Variants in IGLON5 observed in about 807,000 individuals in gnomAD.
The protein encoded by IGLON5 is Ig-like domain-containing protein ENSP00000270642.
IGLON5 carries 16 observed loss-of-function variants against 38.2 expected under a neutral mutation model. The observed-to-expected ratio is 0.42, with a 90% CI of 0.28 to 0.64. The LOEUF (loss-of-function observed/expected upper bound fraction) is 0.64, where lower values mean the gene tolerates loss of function less well. IGLON5 is among the 30% of genes least tolerant of loss of function. The pLI is 0.23. For synonymous variants in IGLON5, 207 were observed against 216.4 expected, an observed-to-expected ratio of 0.96 and a Z score of 0.38; for missense variants, 366 against 483.4, an observed-to-expected ratio of 0.76 and a Z score of 2.28.
chr19:51,312,864 A>G (rs1181782991), intron 1 of IGLON5, among the ~76,000 whole-genome samples: 2 of 152,108 alleles, frequency 1.3e-5, no homozygotes, highest in East Asian at 3.9e-4. Flanking sequence ...GGGGGTGGTC[A>G]AGGAGATTCC....
chr19:51,323,953 G>T (rs1568459042), intron 3 of IGLON5, 59 bp downstream of exon 3: 2 of 1,186,638 alleles, frequency 1.7e-6, no homozygotes, highest in Non-Finnish European at 2.4e-6. Context: ...GGGAGACTAG[G>T]CATGATGACA....
At position 51,320,273 on chromosome 19, in the gene IGLON5, G is replaced by A. The variant is rs547516050; in HGVS notation, c.80-1791G>A. ...CTGCCAACCCACTGCACCTGGCTCC[G>A]TCCTGGCCCCATCCTGTGGGGCTGC... On this transcript the variant is annotated intron_variant, in intron 1 of 7. Transcript: ENST00000270642. Among the ~76,000 whole-genome samples the A allele has an allele frequency of 5.9e-5, 9 of 152,298 alleles. 1 individual carries two copies. The highest frequency in any genetic ancestry group is 6.5e-5 in the Admixed American group (1 of 15,312).
intron 1 of IGLON5, among the ~76,000 whole-genome samples, chr19:51,315,688 CT>C (rs756194855): frequency 7.1e-3 from 584 of 82,554 alleles, no homozygotes; most frequent in African/African-American, 0.018. Flanking sequence ...GGAAGTCAAC[CT>C]TTTTTTTTTT....
At chr19:51,328,013 A>G in intron 7 of IGLON5, 127 bp downstream of exon 7, 1 of 997,242 alleles carries the variant, frequency 1.0e-6, no homozygotes, top group South Asian at 1.7e-5. Context: ...GAGACTGAAA[A>G]GCAATGCGAG....
intron 1 of IGLON5, among the ~76,000 whole-genome samples, chr19:51,318,759 A>G (rs1337306084): frequency 2.0e-5 from 3 of 152,162 alleles, no homozygotes; most frequent in Non-Finnish European, 2.9e-5. Flanking sequence ...AATAAAAAAT[A>G]AAGCCCCAAG....
In IGLON5 at chr19:51,326,860, C is replaced by T. The variant is rs766277871; in HGVS notation, c.608C>T (p.Ser203Leu). The stretch of plus-strand genomic sequence containing the variant: ...TGCGTGACTCACAACGGGGTTAACT[C>T]GGCGCCCGACAGCCGCCGCGTGCTG... Reference protein sequence around the residue: ...YECVTHNGVNSAPDSRRVLVT... With the variant: ...YECVTHNGVNLAPDSRRVLVT... The change falls in exon 5 of 8, where the codon TCG becomes TTG. Residue 203 changes from serine (S) to leucine (L), a missense_variant. Ser to Leu is a moderately radical substitution (Grantham distance 145). Transcript: ENST00000270642. 1 of 1,560,864 alleles carries T rather than the reference C, an allele frequency of 6.4e-7. No homozygotes were observed. The highest frequency in any genetic ancestry group is 1.2e-5 in the South Asian group (1 of 84,846).
At chr19:51,321,926 C>A in intron 1 of IGLON5, 138 bp from the exon 2 acceptor site, 1 of 714,620 alleles carries the variant, frequency 1.4e-6, no homozygotes, top group Non-Finnish European at 2.5e-6. Context: ...TGTGTGTGCA[C>A]GTGTGGTGCA....
chr19:51,323,912 G>A lies in IGLON5; in HGVS notation c.391+18G>A. On this transcript the variant is annotated intron_variant, in intron 3 of 7. Transcript: ENST00000270642. ...TGTCCACGGTGAGCCCTTGGCCGGGGCCTGGCTGGGTGGAGGGGTTGAGAG... is the reference window on the plus strand; with the variant it reads ...TGTCCACGGTGAGCCCTTGGCCGGGACCTGGCTGGGTGGAGGGGTTGAGAG... 1.9e-6 allele frequency: 3 copies of A among 1,567,922 alleles called. No individual in the cohort carries two copies. The highest frequency in any genetic ancestry group is 1.7e-6 in the Non-Finnish European group (2 of 1,145,264).
Position 51,323,749 on chromosome 19 carries a change from C to T in IGLON5, c.246C>T (p.Asp82=), listed in dbSNP as rs1217077896. The part of the protein sequence containing the change: ...LYAGNDRWTS[D]PRVRLLINTP... ...CCGGCAATGACCGCTGGACCAGCGACCCGCGGGTGCGGCTGCTCATCAACA... is the reference window on the plus strand; with the variant it reads ...CCGGCAATGACCGCTGGACCAGCGATCCGCGGGTGCGGCTGCTCATCAACA... The change falls in exon 3 of 8, where the codon GAC becomes GAT. Residue 82 remains aspartate (D), a synonymous_variant. Coordinates refer to ENST00000270642, the MANE Select transcript of IGLON5 (RefSeq NM_001101372.3). 3.1e-6 allele frequency: 5 copies of T among 1,613,880 alleles called. No individual in the cohort carries two copies. The highest frequency in any genetic ancestry group is 1.1e-5 in the South Asian group (1 of 91,092).
At chr19:51,315,493 G>A (rs934951645) in intron 1 of IGLON5, among the ~76,000 whole-genome samples, 1 of 152,148 alleles carries the variant, frequency 6.6e-6, no homozygotes, top group Non-Finnish European at 1.5e-5. Context: ...ACGGAGCTTA[G>A]ATCATAGTGG....
At chr19:51,313,138 C>T (rs950098725) in intron 1 of IGLON5, among the ~76,000 whole-genome samples, 1 of 152,220 alleles carries the variant, frequency 6.6e-6, no homozygotes, top group Non-Finnish European at 1.5e-5. Context: ...ACACCAGTCA[C>T]ACAAACACAG....
chr19:51,319,304 C>CGTGT (rs3077027), intron 1 of IGLON5, among the ~76,000 whole-genome samples: 1,679 of 149,476 alleles, frequency 0.011, 26 homozygotes, highest in African/African-American at 0.039. Flanking sequence ...TGTGTGTGTG[C>CGTGT]GTGTGTGTGT....
intron 1 of IGLON5, among the ~76,000 whole-genome samples, chr19:51,316,349 A>C (rs1984924275): frequency 6.6e-6 from 1 of 150,428 alleles, no homozygotes; most frequent in Non-Finnish European, 1.5e-5. Context: ...TGTCTCAAAA[A>C]AAAAAAAAAA....
intron 1 of IGLON5, among the ~76,000 whole-genome samples, chr19:51,312,639 G>A (rs372956297): frequency 1.3e-5 from 2 of 152,124 alleles, no homozygotes; most frequent in South Asian, 2.1e-4. Flanking sequence ...GGATTCCCAA[G>A]CTCTGATTGA....
chr19:51,313,631 TTC>T (rs946623965), intron 1 of IGLON5, among the ~76,000 whole-genome samples: 2 of 120,870 alleles, frequency 1.7e-5, no homozygotes, highest in African/African-American at 5.3e-5. Context: ...CTTTCTCTTT[TTC>T]TCTCTCTCTC....
Position 51,327,655 on chromosome 19 carries a change from G to T in IGLON5, c.768-77G>T. ...GGGGGCAGAATGCTGGGTCACCGGG[G>T]AACGGAGGAGCCTGAGAGTCGGGGG... On this transcript the variant is annotated intron_variant, in intron 6 of 7. Transcript: ENST00000270642. This position sits in a 1 kb window ranked among gnomAD's most constrained non-coding sequence, Gnocchi z 7.1. The T allele has an allele frequency of 1.3e-6, 2 of 1,526,402 alleles. No homozygotes were observed. Among genetic ancestry groups the T allele is most frequent in the Non-Finnish European group, 1.8e-6 (2 of 1,141,736 alleles). The allele number at this position is 1,526,402 out of a possible 1,614,324, so 94.6% of individuals were successfully genotyped here. A position where few individuals can be genotyped will look rare whatever the true frequency, so the allele number is the denominator to read the frequency against.
chr19:51,328,701 G>T lies in IGLON5; in HGVS notation c.953G>T (p.Arg318Met). The T allele has an allele frequency of 1.9e-6, 3 of 1,596,512 alleles. No homozygotes were observed. The highest frequency in any genetic ancestry group is 8.5e-7 in the Non-Finnish European group (1 of 1,171,632). Residue 318 changes from arginine (R) to methionine (M), a missense_variant, in exon 8 of 8, where the codon AGG becomes ATG. Transcript: ENST00000270642. ...GGATCCCTGGAGAACTCAGCCCCGA[G>T]GCCCCCAGGGCTCCTGGCCCTCCTC... is the stretch of plus-strand genomic sequence containing the variant. The part of the protein sequence containing the change: ...RPGSLENSAP[R>M]PPGLLALLSA...
chr19:51,321,029 G>C (rs984718490), intron 1 of IGLON5, among the ~76,000 whole-genome samples: 6 of 152,156 alleles, frequency 3.9e-5, no homozygotes, highest in African/African-American at 1.4e-4. Context: ...GTATTTGTGT[G>C]TGTGTATGTG....
At chr19:51,323,625 G>A in intron 2 of IGLON5, 37 bp from the exon 3 acceptor site, 1 of 1,557,640 alleles carries the variant, frequency 6.4e-7, no homozygotes. Context: ...CAGGCTGGGT[G>A]GGTGGAGAAA....
Sources: allele counts gnomAD v4.1 joint callset (sites outside exome capture counted in the v4.1 genomes callset), GRCh38; gene constraint gnomAD v4.1.1; non-coding constraint Gnocchi (gnomAD v3.1); transcripts MANE v1.5; gene names NCBI Gene and HGNC (gene_info 2026-07-23, HGNC 2026-07-21).